The following ERN1 variants were observed in gnomAD, a reference collection of about 807,000 sequenced individuals.
ERN1 encodes endoplasmic reticulum to nucleus signaling 1, also known as serine/threonine-protein kinase/endoribonuclease IRE1.
Under a neutral mutation model 113.1 loss-of-function variants are expected in ERN1, and 39 were observed. That is an observed-to-expected ratio of 0.34 (90% confidence interval 0.27 to 0.45). The LOEUF (loss-of-function observed/expected upper bound fraction) is 0.45, where lower values mean the gene tolerates loss of function less well. Among genes scored for constraint, ERN1 ranks in the 20% least tolerant of loss-of-function variants. The pLI, the probability that ERN1 is intolerant of heterozygous loss-of-function variation, is 1.00. For missense variants in ERN1, 976 were observed against 1,274.8 expected (o/e 0.77, Z 3.57); for synonymous variants, 507 against 515.9 (o/e 0.98, Z 0.23).
rs764538757 is a variant in ERN1 at position 64,055,759 on chromosome 17, G to A, written c.1588C>T (p.Pro530Ser). Residue 530 changes from proline (P) to serine (S), a missense_variant, in exon 13 of 22, where the codon CCC becomes TCC. Around this residue, in one of 5 missense-constraint regions of ERN1, gnomAD observed 112 missense variants for 106.2 expected, o/e 1.05. Coordinates refer to ENST00000433197, the MANE Select transcript of ERN1 (RefSeq NM_001433.5). ...CAGAGCGAGTGGTTGGAGGCCCTGGGGGACGTGCTGGGGCTGCTGGTGCCC... is the reference window on the plus strand; with the variant it reads ...CAGAGCGAGTGGTTGGAGGCCCTGGAGGACGTGCTGGGGCTGCTGGTGCCC... ...SSGTSSPSTS[P>S]RASNHSLCSG... 6.2e-7 allele frequency: 1 copy of A among 1,609,890 alleles called. No individual in the cohort carries two copies. Among genetic ancestry groups the A allele is most frequent in the Non-Finnish European group, 8.5e-7 (1 of 1,178,562 alleles).
At chr17:64,094,630 T>C (rs1243393714) in intron 2 of ERN1, among the ~76,000 whole-genome samples, 2 of 151,222 alleles carry the variant, frequency 1.3e-5, no homozygotes, top group African/African-American at 2.4e-5. Flanking sequence ...TCCTTTCTTT[T>C]TTTTTTTTTT....
Position 64,044,146 on chromosome 17 carries a change from G to C in ERN1, c.2776C>G (p.Pro926Ala), listed in dbSNP as rs761469405. 6.2e-7 allele frequency: 1 copy of C among 1,603,886 alleles called. No individual in the cohort carries two copies. The highest frequency in any genetic ancestry group is 8.5e-7 in the Non-Finnish European group (1 of 1,173,784). Reference sequence around the variant, plus strand: ...GTGAAGTAGCACACGAAGTCGTCGGGGAGGGACCCCAGCGTCTCCCGCACC... The same window carrying C: ...GTGAAGTAGCACACGAAGTCGTCGGCGAGGGACCCCAGCGTCTCCCGCACC... ...AEVRETLGSL[P>A]DDFVCYFTSR... The change falls in exon 22 of 22, where the codon CCC becomes GCC. Residue 926 changes from proline to alanine, a missense_variant. By Grantham distance (27) the Pro-to-Ala change is conservative. Coordinates refer to ENST00000433197, the MANE Select transcript of ERN1 (RefSeq NM_001433.5). This position sits in a 1 kb window ranked among gnomAD's most constrained non-coding sequence, Gnocchi z 4.1.
rs372593820 is a variant in ERN1, at chr17:64,068,258, C to T, written c.512G>A (p.Arg171Gln). Residue 171 changes from arginine to glutamine, a missense_variant, in exon 7 of 22, where the codon CGA becomes CAA. Arg to Gln is a conservative substitution (Grantham distance 43). Around this residue, in one of 5 missense-constraint regions of ERN1, gnomAD observed 459 missense variants for 581.2 expected, o/e 0.79. Transcript: ENST00000433197. ...YTITMYDTKT[R>Q]ELRWNATYFD... ...GTAGGTGGCATTCCACCGGAGCTCT[C>T]GGGTTTTGGTGTCGTACATGGTGAT... 77 of 1,612,814 alleles carry T rather than the reference C, an allele frequency of 4.8e-5. No homozygotes were observed. Among genetic ancestry groups the T allele is most frequent in the Admixed American group, 4.7e-4 (28 of 59,902 alleles).
rs1912792770 is a variant in ERN1, at chr17:64,054,526, C to T, written c.1764-87G>A. ...GAGAACCTGGGTCCACAGCATTCAC[C>T]TACTGCCTCCCAGCCTAGAGAGCCC... On this transcript the variant is annotated intron_variant, in intron 14 of 21. Coordinates refer to ENST00000433197, the MANE Select transcript of ERN1 (RefSeq NM_001433.5). The surrounding 1 kb of genome is among the most constrained non-coding windows in gnomAD (Gnocchi z 4.9). 1 of 1,310,910 alleles carries T rather than the reference C, an allele frequency of 7.6e-7. No individual in the cohort carries two copies. The allele number at this position is 1,310,910 out of a possible 1,614,324, so 81.2% of individuals were successfully genotyped here.
chr17:64,048,633 G>A (rs1912586610), intron 18 of ERN1, among the ~76,000 whole-genome samples: 2 of 152,194 alleles, frequency 1.3e-5, no homozygotes, highest in African/African-American at 2.4e-5. Flanking sequence ...CCAGGAGGGT[G>A]AGGATAAAGC....
intron 2 of ERN1, among the ~76,000 whole-genome samples, chr17:64,091,957 A>T (rs1914102217): frequency 6.6e-6 from 1 of 152,184 alleles, no homozygotes; most frequent in South Asian, 2.1e-4. Flanking sequence ...AACACACCAC[A>T]CACACTGATG....
intron 1 of ERN1, among the ~76,000 whole-genome samples, chr17:64,117,738 G>A (rs1241661594): frequency 6.6e-6 from 1 of 152,142 alleles, no homozygotes; most frequent in African/African-American, 2.4e-5. Flanking sequence ...AGCGAGAGCC[G>A]ATGAAACCAC....
At chr17:64,107,318 T>A (rs1045118506) in intron 1 of ERN1, among the ~76,000 whole-genome samples, 11 of 152,034 alleles carry the variant, frequency 7.2e-5, no homozygotes, top group African/African-American at 2.7e-4. Flanking sequence ...ACAAAAAAAA[T>A]TTGTTTTGTT....
intron 3 of ERN1, among the ~76,000 whole-genome samples, chr17:64,080,085 T>C (rs1378506154): frequency 1.3e-5 from 2 of 152,214 alleles, no homozygotes; most frequent in East Asian, 1.9e-4. Flanking sequence ...TCTACATCAA[T>C]TGTATATAGA....
At position 64,054,299 on chromosome 17, in the gene ERN1, C is replaced by T. The variant is rs899566036; in HGVS notation, c.1904G>A (p.Arg635Gln). Residue 635 changes from arginine (R) to glutamine (Q), a missense_variant, in exon 15 of 22, where the codon CGG becomes CAG. By Grantham distance (43) the Arg-to-Gln change is conservative. Transcript: ENST00000433197. This position sits in a 1 kb window ranked among gnomAD's most constrained non-coding sequence, Gnocchi z 4.9. ...CTCGATGGCAATGTACTGGAATTGC[C>T]GGTCCTTCTCCGTGCAGAAGTAGCG... ...VIRYFCTEKD[R>Q]QFQYIAIELC... 9 of 1,613,714 alleles carry T rather than the reference C, an allele frequency of 5.6e-6. No individual in the cohort carries two copies. The highest frequency in any genetic ancestry group is 2.2e-5 in the East Asian group (1 of 44,894).
chr17:64,123,364 C>T lies in ERN1; in HGVS notation c.54+6612G>A, dbSNP rs181352755. 1.1e-3 allele frequency among the ~76,000 whole-genome samples: 173 copies of T among 152,284 alleles called. 1 individual carries two copies. Among genetic ancestry groups the T allele is most frequent in the African/African-American group, 4.0e-3 (167 of 41,562 alleles). ...AGGACCCCACAAATGAGTCATTTAA[C>T]AAATCCAAATAAAACATTTTCTCAA... On this transcript the variant is annotated intron_variant, in intron 1 of 21. Transcript: ENST00000433197.
At chr17:64,101,940 C>G (rs146825799) in intron 1 of ERN1, among the ~76,000 whole-genome samples, 68 of 152,244 alleles carry the variant, frequency 4.5e-4, no homozygotes, top group African/African-American at 1.5e-3. Flanking sequence ...ATCTTGGAAG[C>G]CACTGGAAGA....
At chr17:64,095,829 C>T (rs1914214486) in intron 2 of ERN1, among the ~76,000 whole-genome samples, 1 of 152,224 alleles carries the variant, frequency 6.6e-6, no homozygotes, top group African/African-American at 2.4e-5. Context: ...CCTAGACCTG[C>T]TGCCTCCTTC....
intron 17 of ERN1, 82 bp downstream of exon 17, chr17:64,052,698 A>G: frequency 7.5e-7 from 1 of 1,330,554 alleles, no homozygotes; most frequent in Non-Finnish European, 1.0e-6. Context: ...CCAGCCCCCA[A>G]ACCTGGAATT....
intron 11 of ERN1, among the ~76,000 whole-genome samples, chr17:64,059,013 C>T (rs999490319): frequency 6.6e-6 from 1 of 152,132 alleles, no homozygotes; most frequent in Admixed American, 6.5e-5. Context: ...TTTCAAAGAC[C>T]GTTATCCAAG....
Position 64,075,251 on chromosome 17 carries a change from TAAAAAA to T in ERN1, c.283-10_283-5del. 3.1e-6 allele frequency: 4 copies of T among 1,288,340 alleles called. No homozygotes were observed. Among genetic ancestry groups the T allele is most frequent in the Non-Finnish European group, 4.1e-6 (4 of 980,736 alleles). 79.8% of individuals were successfully genotyped at this position (1,288,340 alleles called of 1,614,324 possible). A position where few individuals can be genotyped will look rare whatever the true frequency, so the allele number is the denominator to read the frequency against. ...CTGGGATGGTAAAAGGAAGTTTCTT[TAAAAAA>T]AAAAAAAAAGAAAAAAAAAAGTTAA... On this transcript the variant is annotated splice_polypyrimidine_tract_variant and splice_region_variant and intron_variant, in intron 4 of 21. Coordinates refer to ENST00000433197, the MANE Select transcript of ERN1 (RefSeq NM_001433.5).
At chr17:64,126,201 C>CAG (rs1387608102) in intron 1 of ERN1, among the ~76,000 whole-genome samples, 20 of 152,258 alleles carry the variant, frequency 1.3e-4, no homozygotes, top group African/African-American at 3.6e-4. Flanking sequence ...GTTACAAGCC[C>CAG]AGTTATTTGT....
chr17:64,045,226 C>A, intron 20 of ERN1, 133 bp downstream of exon 20: 1 of 1,023,322 alleles, frequency 9.8e-7, no homozygotes, highest in Non-Finnish European at 1.5e-6. Flanking sequence ...GAGGACACAC[C>A]CAAGAAAGTC....
intron 1 of ERN1, among the ~76,000 whole-genome samples, chr17:64,124,689 C>T (rs1464714513): frequency 6.6e-6 from 1 of 152,096 alleles, no homozygotes; most frequent in Non-Finnish European, 1.5e-5. Context: ...TGTAAATTGC[C>T]CAGTCTCGGG....
Sources: allele counts gnomAD v4.1 joint callset (sites outside exome capture counted in the v4.1 genomes callset), GRCh38; gene constraint gnomAD v4.1.1; regional missense constraint gnomAD v4.1.1; non-coding constraint Gnocchi (gnomAD v3.1); transcripts MANE v1.5; gene names NCBI Gene and HGNC (gene_info 2026-07-23, HGNC 2026-07-21).